Variants in PEX14 observed in about 807,000 individuals in gnomAD.
PEX14 encodes the protein peroxisomal membrane protein PEX14.
Under a neutral mutation model 49.5 loss-of-function variants are expected in PEX14, and 15 were observed. That is an observed-to-expected ratio of 0.30 (90% CI 0.20 to 0.47). The LOEUF is 0.47. Among genes scored for constraint, PEX14 ranks in the 20% least tolerant of loss-of-function variants. The pLI is 1.00. For synonymous variants in PEX14, 210 were observed against 212.7 expected, an observed-to-expected ratio of 0.99 and a Z score of 0.11; for missense variants, 398 against 494.8, an observed-to-expected ratio of 0.80 and a Z score of 1.86.
At chr1:10,589,418 C>G (rs929320866) in intron 3 of PEX14, among the ~76,000 whole-genome samples, 1 of 152,176 alleles carries the variant, frequency 6.6e-6, no homozygotes, top group Admixed American at 6.5e-5. Context: ...CCTCTCTCTC[C>G]CCTTCTGAGC....
At chr1:10,571,424 A>T (rs1286644348) in intron 3 of PEX14, among the ~76,000 whole-genome samples, 2 of 152,118 alleles carry the variant, frequency 1.3e-5, no homozygotes, top group Non-Finnish European at 2.9e-5. Context: ...ACAGAGTTTC[A>T]GTTTTGCAAG....
At chr1:10,541,325 G>T (rs1209403364) in intron 3 of PEX14, among the ~76,000 whole-genome samples, 2 of 152,092 alleles carry the variant, frequency 1.3e-5, no homozygotes, top group African/African-American at 2.4e-5. Context: ...TACCAGGGGA[G>T]ACAAAACGGG....
intron 7 of PEX14, among the ~76,000 whole-genome samples, chr1:10,626,805 C>G (rs949884983): frequency 2.0e-5 from 3 of 152,210 alleles, no homozygotes; most frequent in African/African-American, 7.2e-5. Context: ...CCGTCTATAC[C>G]AGCAAGATTT....
Position 10,613,235 on chromosome 1 carries a change from G to C in PEX14, c.299-5097G>C, listed in dbSNP as rs1464077967. Among the ~76,000 whole-genome samples, 1 of 152,218 alleles carries C rather than the reference G, an allele frequency of 6.6e-6. No individual in the cohort carries two copies. Among genetic ancestry groups the C allele is most frequent in the Non-Finnish European group, 1.5e-5 (1 of 68,040 alleles). On this transcript the variant is annotated intron_variant, in intron 4 of 8. Coordinates refer to ENST00000356607, the MANE Select transcript of PEX14 (RefSeq NM_004565.3). This position sits in a 1 kb window ranked among gnomAD's most constrained non-coding sequence, Gnocchi z 5.0. ...ATGTTTGTTCTCACCTGTTAGGTGA[G>C]AATTTGGTTGGTGGAGGTATAAAGA...
chr1:10,610,870 TC>T (rs959216450), intron 4 of PEX14, among the ~76,000 whole-genome samples: 15 of 152,162 alleles, frequency 9.9e-5, no homozygotes, highest in African/African-American at 3.4e-4. Context: ...CTTTTTCTCT[TC>T]TCCCTTCATC....
At chr1:10,530,856 A>G (rs907440957) in intron 2 of PEX14, among the ~76,000 whole-genome samples, 1 of 151,988 alleles carries the variant, frequency 6.6e-6, no homozygotes, top group Non-Finnish European at 1.5e-5. Context: ...AGGCTCACAC[A>G]CATTTGCCCT....
chr1:10,619,315 AT>A lies in PEX14; in HGVS notation c.384+917del, dbSNP rs60523076. 5.2e-3 allele frequency among the ~76,000 whole-genome samples: 670 copies of A among 129,030 alleles called. 4 individuals are homozygous for A. Among genetic ancestry groups the A allele is most frequent in the East Asian group, 0.038 (171 of 4,480 alleles). The allele number at this position is 129,030 out of a possible 152,430, so 84.6% of individuals were successfully genotyped here. Reference sequence around the variant, plus strand: ...CCAGCTCCTCCACCCCTGATTGGTGATTTTTTTTTTTTTTTTTTTGAGATGG... The same window carrying A: ...CCAGCTCCTCCACCCCTGATTGGTGATTTTTTTTTTTTTTTTTTGAGATGG... On this transcript the variant is annotated intron_variant, in intron 5 of 8. Transcript: ENST00000356607.
chr1:10,498,164 C>T (rs1641603771), intron 2 of PEX14, among the ~76,000 whole-genome samples: 1 of 152,168 alleles, frequency 6.6e-6, no homozygotes, highest in Non-Finnish European at 1.5e-5. Context: ...CCTATACTCT[C>T]AGCTGCTCAG....
chr1:10,485,865 C>T (rs367886214), intron 1 of PEX14, among the ~76,000 whole-genome samples: 1 of 150,814 alleles, frequency 6.6e-6, no homozygotes, highest in South Asian at 2.1e-4. Flanking sequence ...AAGCGATTCT[C>T]CTGTCTCAGA....
rs1414581652 is a variant in PEX14, at chr1:10,623,972, A to G, written c.488-368A>G. Among the ~76,000 whole-genome samples the G allele has an allele frequency of 1.3e-5, 2 of 152,292 alleles. No individual in the cohort carries two copies. The highest frequency in any genetic ancestry group is 4.8e-5 in the African/African-American group (2 of 41,564). ...GGACCTGAGATGCATCTCTCCCAGC[A>G]TTGGAGACCCCAGGAGTTTCACAAG... On this transcript the variant is annotated intron_variant, in intron 6 of 8. Coordinates refer to ENST00000356607, the MANE Select transcript of PEX14 (RefSeq NM_004565.3). The surrounding 1 kb of genome is among the most constrained non-coding windows in gnomAD (Gnocchi z 4.4).
At chr1:10,497,315 C>T (rs1641586552) in intron 2 of PEX14, among the ~76,000 whole-genome samples, 1 of 152,182 alleles carries the variant, frequency 6.6e-6, no homozygotes, top group Admixed American at 6.5e-5. Context: ...GGGCAGCCCC[C>T]TTGCACAGAA....
chr1:10,614,709 G>A (rs1376354515), intron 4 of PEX14, among the ~76,000 whole-genome samples: 1 of 152,208 alleles, frequency 6.6e-6, no homozygotes, highest in South Asian at 2.1e-4. Context: ...TATGGTATTC[G>A]GGCCGTGGGC....
chr1:10,624,304 G>A, intron 6 of PEX14, 36 bp from the exon 7 acceptor site: 2 of 1,374,986 alleles, frequency 1.5e-6, no homozygotes, highest in African/African-American at 2.8e-5. Flanking sequence ...CTGTGCCTGT[G>A]AATTTGCCAG....
chr1:10,476,807 T>C (rs1023869814), intron 1 of PEX14, among the ~76,000 whole-genome samples: 1 of 152,022 alleles, frequency 6.6e-6, no homozygotes, highest in Non-Finnish European at 1.5e-5. Flanking sequence ...CTGATTCTTA[T>C]AGGACATTTA....
intron 3 of PEX14, among the ~76,000 whole-genome samples, chr1:10,581,117 AC>A (rs1485475813): frequency 6.6e-6 from 1 of 152,126 alleles, no homozygotes; most frequent in African/African-American, 2.4e-5. Context: ...GAAGGGTTCA[AC>A]CAGAGAAGCA....
chr1:10,476,887 T>A (rs1303341716), intron 1 of PEX14, among the ~76,000 whole-genome samples: 3 of 152,106 alleles, frequency 2.0e-5, no homozygotes, highest in African/African-American at 7.2e-5. Flanking sequence ...AAGGATTCTT[T>A]TGGTTTTGCA....
chr1:10,515,460 C>T (rs2124443476), intron 2 of PEX14, among the ~76,000 whole-genome samples: 1 of 152,138 alleles, frequency 6.6e-6, no homozygotes, highest in East Asian at 1.9e-4. Flanking sequence ...CTCGTGTGTC[C>T]CAGGATCGAT....
In PEX14 at chr1:10,628,357, C is replaced by T. The variant is rs1019902599; in HGVS notation, c.677+994C>T. Among the ~76,000 whole-genome samples, 4 of 152,242 alleles carry T rather than the reference C, an allele frequency of 2.6e-5. No individual in the cohort carries two copies. The highest frequency in any genetic ancestry group is 5.9e-5 in the Non-Finnish European group (4 of 68,034). Reference sequence around the variant, plus strand: ...CCTTGCATGGGGTGTCCTTGTTTCCCTGCTGGGCTGGATTTGTTGGGAGCT... The same window carrying T: ...CCTTGCATGGGGTGTCCTTGTTTCCTTGCTGGGCTGGATTTGTTGGGAGCT... On this transcript the variant is annotated intron_variant, in intron 8 of 8. Transcript: ENST00000356607. The surrounding 1 kb of genome is among the most constrained non-coding windows in gnomAD (Gnocchi z 4.5).
intron 3 of PEX14, among the ~76,000 whole-genome samples, chr1:10,545,270 G>A (rs1570243510): frequency 6.6e-6 from 1 of 152,164 alleles, no homozygotes; most frequent in East Asian, 1.9e-4. Flanking sequence ...TTCAGATTTT[G>A]GATATTAAAA....
Sources: allele counts gnomAD v4.1 joint callset (sites outside exome capture counted in the v4.1 genomes callset), GRCh38; gene constraint gnomAD v4.1.1; non-coding constraint Gnocchi (gnomAD v3.1); transcripts MANE v1.5; gene names NCBI Gene and HGNC (gene_info 2026-07-23, HGNC 2026-07-21).